The following ZNF385B variants were observed in gnomAD, a reference collection of about 807,000 sequenced individuals.
ZNF385B encodes the protein zinc finger protein 385B.
In ZNF385B, 23 loss-of-function variants were observed where a neutral mutation model predicts 39.2. The ratio of observed to expected loss-of-function variants is 0.59; its 90% confidence interval spans 0.42 to 0.83. The LOEUF (loss-of-function observed/expected upper bound fraction) is 0.83. Among genes scored for constraint, ZNF385B ranks in the 40% least tolerant of loss-of-function variants. The pLI, the probability that ZNF385B is intolerant of heterozygous loss-of-function variation, is 0.00. For synonymous variants in ZNF385B, 205 were observed against 222.6 expected, an observed-to-expected ratio of 0.92 and a Z score of 0.70; for missense variants, 552 against 598.9, an observed-to-expected ratio of 0.92 and a Z score of 0.82.
At chr2:179,753,107 TG>T (rs1412490109) in intron 3 of ZNF385B, among the ~76,000 whole-genome samples, 2 of 152,232 alleles carry the variant, frequency 1.3e-5, no homozygotes, top group African/African-American at 2.4e-5. Context: ...AATTAATTTT[TG>T]TATAAGGTGT....
At chr2:179,451,225 A>C (rs1312352545) in intron 6 of ZNF385B, among the ~76,000 whole-genome samples, 2 of 150,554 alleles carry the variant, frequency 1.3e-5, no homozygotes, top group African/African-American at 2.5e-5. Flanking sequence ...CGTTGTGCAC[A>C]TGTACCCTAA....
intron 1 of ZNF385B, among the ~76,000 whole-genome samples, chr2:179,838,564 C>A (rs1435266561): frequency 6.6e-6 from 1 of 152,118 alleles, no homozygotes; most frequent in Non-Finnish European, 1.5e-5. Context: ...TCTGCAACTC[C>A]AAAGGAAATG....
At chr2:179,700,161 C>A (rs1254164811) in intron 3 of ZNF385B, among the ~76,000 whole-genome samples, 2 of 152,082 alleles carry the variant, frequency 1.3e-5, no homozygotes, top group Non-Finnish European at 2.9e-5. Context: ...ATGACTTTCC[C>A]TGAATGGAAG....
At chr2:179,794,444 C>T (rs1705528529) in intron 1 of ZNF385B, among the ~76,000 whole-genome samples, 1 of 151,826 alleles carries the variant, frequency 6.6e-6, no homozygotes, top group South Asian at 2.1e-4. Flanking sequence ...TGCTATTTAC[C>T]ATGGAAAGGT....
At chr2:179,599,233 T>C (rs1422354035) in intron 3 of ZNF385B, among the ~76,000 whole-genome samples, 1 of 152,202 alleles carries the variant, frequency 6.6e-6, no homozygotes, top group Non-Finnish European at 1.5e-5. Flanking sequence ...ACTATGCCCT[T>C]TGAGTTTCAT....
Position 179,769,544 on chromosome 2 carries a change from G to A in ZNF385B, c.257C>T (p.Pro86Leu). The A allele has an allele frequency of 6.2e-7, 1 of 1,614,020 alleles. No homozygotes were observed. The highest frequency in any genetic ancestry group is 8.5e-7 in the Non-Finnish European group (1 of 1,179,992). ...GCTGGGGCTGGCCTGGGCGGGTGGT[G>A]GGGGCTGCCCATCACTCAGCTGCTT... ...RVKQLSDGQP[P>L]PPAQASPSSN... The change falls in exon 3 of 10, where the codon CCA (proline) becomes CTA (leucine). Residue 86 changes from proline (P) to leucine (L), a missense_variant. By Grantham distance (98) the Pro-to-Leu change is moderately conservative. Transcript: ENST00000410066.
At chr2:179,604,691 T>C (rs1688662401) in intron 3 of ZNF385B, among the ~76,000 whole-genome samples, 1 of 152,056 alleles carries the variant, frequency 6.6e-6, no homozygotes, top group Admixed American at 6.6e-5. Context: ...ATATAGATAT[T>C]AATTTGTTGC....
At chr2:179,577,068 C>G (rs1395985018) in intron 3 of ZNF385B, among the ~76,000 whole-genome samples, 1 of 152,046 alleles carries the variant, frequency 6.6e-6, no homozygotes, top group Non-Finnish European at 1.5e-5. Flanking sequence ...TATATTGAGG[C>G]AGTAGAAAGT....
At chr2:179,459,974 C>T (rs985943528) in intron 6 of ZNF385B, among the ~76,000 whole-genome samples, 8 of 151,760 alleles carry the variant, frequency 5.3e-5, no homozygotes, top group East Asian at 1.9e-4. Flanking sequence ...CATGGTGGCA[C>T]GTGCCTGTAA....
intron 3 of ZNF385B, among the ~76,000 whole-genome samples, chr2:179,735,076 C>A (rs540057815): frequency 6.6e-6 from 1 of 152,066 alleles, no homozygotes; most frequent in East Asian, 1.9e-4. Flanking sequence ...AAAGAAACTA[C>A]CATCAGAGTG....
At chr2:179,711,881 ATTTTTTTTTTTTTTT>A (rs747336802) in intron 3 of ZNF385B, among the ~76,000 whole-genome samples, 4 of 90,930 alleles carry the variant, frequency 4.4e-5, no homozygotes, top group Admixed American at 4.4e-4. Flanking sequence ...TATAAACTGC[ATTTTTTTTTTTTTTT>A]TTTTTTTTTT....
chr2:179,775,157 T>C (rs769469317), intron 1 of ZNF385B, among the ~76,000 whole-genome samples: 3 of 152,108 alleles, frequency 2.0e-5, no homozygotes, highest in Non-Finnish European at 4.4e-5. Flanking sequence ...AACTAAAAGG[T>C]CAGTAGAGAG....
rs2049531355 is a variant in ZNF385B, at chr2:179,446,728, G to C, written c.758C>G (p.Ser253Ter). The change falls in exon 7 of 10, where the codon TCA becomes TGA. Residue 253 changes from serine (S) to a stop codon, truncating the protein, a stop_gained. Coordinates refer to ENST00000410066, the MANE Select transcript of ZNF385B (RefSeq NM_152520.6). LOFTEE classifies it high-confidence loss of function. ...GAGAAATGAGCCACTTTCAGAGCTT[G>C]ATGGCTGACTGGAACTGCTGGCTTT... Reference protein sequence around the residue: ...KLKASSSSQPSSSESGSFLLK... With the variant: ...KLKASSSSQP 6.2e-7 allele frequency: 1 copy of C among 1,613,918 alleles called. No homozygotes were observed. The highest frequency in any genetic ancestry group is 8.5e-7 in the Non-Finnish European group (1 of 1,179,924).
At chr2:179,679,256 C>T (rs1697278152) in intron 3 of ZNF385B, among the ~76,000 whole-genome samples, 1 of 152,088 alleles carries the variant, frequency 6.6e-6, no homozygotes, top group Non-Finnish European at 1.5e-5. Context: ...CTTTTAGATA[C>T]ACAAATATTT....
chr2:179,706,741 C>T (rs920872245), intron 3 of ZNF385B, among the ~76,000 whole-genome samples: 5 of 152,182 alleles, frequency 3.3e-5, no homozygotes, highest in African/African-American at 1.2e-4. Flanking sequence ...TTTCTGACTG[C>T]ACTCTGAGCA....
chr2:179,843,173 C>G (rs969501232), intron 1 of ZNF385B, among the ~76,000 whole-genome samples: 2 of 152,202 alleles, frequency 1.3e-5, no homozygotes, highest in Non-Finnish European at 2.9e-5. Flanking sequence ...CCTCAAGGGG[C>G]CTCTAACACA....
intron 3 of ZNF385B, among the ~76,000 whole-genome samples, chr2:179,545,287 C>T (rs2060160591): frequency 1.3e-5 from 2 of 152,194 alleles, no homozygotes; most frequent in Non-Finnish European, 2.9e-5. Context: ...CGCTTTGCCT[C>T]TGACTCGCCA....
intron 4 of ZNF385B, among the ~76,000 whole-genome samples, chr2:179,520,786 C>G (rs187068393): frequency 5.9e-5 from 9 of 152,164 alleles, no homozygotes; most frequent in Admixed American, 3.3e-4. Flanking sequence ...ATGAATATTC[C>G]CTAAATACCG....
chr2:179,775,037 G>A (rs186007162), intron 1 of ZNF385B, among the ~76,000 whole-genome samples: 77 of 152,292 alleles, frequency 5.1e-4, no homozygotes, highest in Non-Finnish European at 5.9e-4. Context: ...TAACTATGTT[G>A]AAATGCCTTG....
Sources: allele counts gnomAD v4.1 joint callset (sites outside exome capture counted in the v4.1 genomes callset), GRCh38; gene constraint gnomAD v4.1.1; transcripts MANE v1.5; gene names NCBI Gene and HGNC (gene_info 2026-07-23, HGNC 2026-07-21).